Variants in CNTLN observed in about 807,000 individuals in gnomAD.
The protein encoded by CNTLN is centlein, centrosomal protein.
In CNTLN, 212 loss-of-function variants were observed where a neutral mutation model predicts 180.0. That is an observed-to-expected ratio of 1.18 (90% confidence interval 1.05 to 1.32). CNTLN has a LOEUF of 1.32. Among genes scored for constraint, CNTLN ranks in the 40% most tolerant of loss-of-function variants. CNTLN has a pLI of 0.00. For synonymous variants in CNTLN, 722 were observed against 563.1 expected (o/e 1.28, Z -3.99); for missense variants, 2,095 against 1,610.9 (o/e 1.30, Z -5.14).
At chr9:17,444,658 C>T (rs1830300104) in intron 18 of CNTLN, among the ~76,000 whole-genome samples, 2 of 152,016 alleles carry the variant, frequency 1.3e-5, no homozygotes, top group African/African-American at 2.4e-5. Context: ...CTAGACTTAC[C>T]CTCTTACTAA....
chr9:17,274,875 G>T (rs1828210472), intron 6 of CNTLN, among the ~76,000 whole-genome samples: 2 of 152,004 alleles, frequency 1.3e-5, no homozygotes, highest in South Asian at 4.1e-4. Context: ...ATATGCCATT[G>T]TGAATTTAGT....
In CNTLN at chr9:17,266,555, T is replaced by C. The variant is rs538639306; in HGVS notation, c.850-7178T>C. On this transcript the variant is annotated intron_variant, in intron 5 of 25. Transcript: ENST00000380647. ...GAGTTCTGTAGATGTCTATTAAGTC[T>C]GCTTGGTGCAGAGCTGAGTTCAATT... Among the ~76,000 whole-genome samples, 300 of 152,250 alleles carry C rather than the reference T, an allele frequency of 2.0e-3. 2 individuals are homozygous for C. Among genetic ancestry groups the C allele is most frequent in the Non-Finnish European group, 3.5e-3 (239 of 68,016 alleles).
chr9:17,328,103 T>A (rs1363336069), intron 8 of CNTLN, among the ~76,000 whole-genome samples: 1 of 152,196 alleles, frequency 6.6e-6, no homozygotes, highest in Non-Finnish European at 1.5e-5. Context: ...ACCTTATGCA[T>A]GTTTGGTGAA....
intron 2 of CNTLN, among the ~76,000 whole-genome samples, chr9:17,157,557 G>A (rs915569669): frequency 6.6e-6 from 1 of 152,302 alleles, no homozygotes; most frequent in African/African-American, 2.4e-5. Context: ...AGTTTTGGAT[G>A]TGTTTGTGAC....
chr9:17,442,266 T>C (rs1038225006), intron 18 of CNTLN, among the ~76,000 whole-genome samples: 2 of 152,174 alleles, frequency 1.3e-5, no homozygotes, highest in African/African-American at 4.8e-5. Context: ...GACTACATGT[T>C]AGGCCAAAAA....
intron 25 of CNTLN, among the ~76,000 whole-genome samples, chr9:17,489,972 T>G (rs1039647079): frequency 6.6e-6 from 1 of 152,160 alleles, no homozygotes; most frequent in Non-Finnish European, 1.5e-5. Context: ...CTTTTCACAT[T>G]GATATATTTT....
intron 3 of CNTLN, among the ~76,000 whole-genome samples, chr9:17,229,814 T>C (rs1458968674): frequency 6.6e-6 from 1 of 151,846 alleles, no homozygotes; most frequent in African/African-American, 2.4e-5. Context: ...GGTAAATAGG[T>C]TTTATGTTTA....
At chr9:17,160,396 A>G (rs1461884832) in intron 2 of CNTLN, among the ~76,000 whole-genome samples, 1 of 152,108 alleles carries the variant, frequency 6.6e-6, no homozygotes, top group East Asian at 1.9e-4. Flanking sequence ...TTATTTTACT[A>G]CCTAACTTTC....
In CNTLN at chr9:17,440,161, G is replaced by C. The variant is rs1277835143; in HGVS notation, c.3115-17363G>C. The stretch of plus-strand genomic sequence containing the variant: ...AGAGAAATTGTAACCTTCATACAAT[G>C]CTATGGGAATGTAAAATGGCACAGG... On this transcript the variant is annotated intron_variant, in intron 18 of 25. Transcript: ENST00000380647. Among the ~76,000 whole-genome samples the C allele has an allele frequency of 2.6e-5, 4 of 152,254 alleles. 1 individual carries two copies. Among genetic ancestry groups the C allele is most frequent in the African/African-American group, 9.6e-5 (4 of 41,564 alleles).
At chr9:17,163,664 T>C (rs1421046928) in intron 2 of CNTLN, among the ~76,000 whole-genome samples, 1 of 152,210 alleles carries the variant, frequency 6.6e-6, no homozygotes, top group East Asian at 1.9e-4. Flanking sequence ...AAATGCATGA[T>C]ATTATAATAC....
intron 2 of CNTLN, among the ~76,000 whole-genome samples, chr9:17,194,927 A>C (rs1376654787): frequency 6.6e-6 from 1 of 152,186 alleles, no homozygotes; most frequent in Non-Finnish European, 1.5e-5. Flanking sequence ...AAGATGCAAA[A>C]GCGGAAACCC....
intron 2 of CNTLN, among the ~76,000 whole-genome samples, chr9:17,181,149 T>G (rs561177693): frequency 6.6e-6 from 1 of 152,244 alleles, no homozygotes; most frequent in East Asian, 1.9e-4. Context: ...ACCTGCCTTC[T>G]TTCTCTTCTA....
intron 6 of CNTLN, 87 bp from the exon 7 acceptor site, chr9:17,298,103 C>T (rs1223537898): frequency 7.8e-6 from 9 of 1,155,078 alleles, no homozygotes; most frequent in African/African-American, 1.6e-5. Context: ...AAACAGGATG[C>T]CAATCTGTAA....
downstream of CNTLN, among the ~76,000 whole-genome samples, chr9:17,506,916 T>C (rs1005480066): frequency 2.0e-5 from 3 of 152,310 alleles, no homozygotes; most frequent in African/African-American, 7.2e-5. Flanking sequence ...GTACATTGGG[T>C]AATAATTAAA....
intron 3 of CNTLN, among the ~76,000 whole-genome samples, chr9:17,234,317 C>T (rs969783011): frequency 2.0e-5 from 3 of 151,904 alleles, no homozygotes; most frequent in Admixed American, 6.6e-5. Flanking sequence ...GTGGCACATA[C>T]CTATGGTCCT....
intron 25 of CNTLN, among the ~76,000 whole-genome samples, chr9:17,491,790 G>A (rs1833174046): frequency 1.3e-5 from 2 of 152,046 alleles, no homozygotes; most frequent in South Asian, 4.1e-4. Flanking sequence ...AATTTAAAAT[G>A]GCTAACTTTC....
intron 24 of CNTLN, 130 bp from the exon 25 acceptor site, chr9:17,486,859 T>G: frequency 1.7e-6 from 1 of 578,988 alleles, no homozygotes; most frequent in Non-Finnish European, 3.0e-6. Flanking sequence ...TATTTCTACT[T>G]TGAGATGACA....
intron 6 of CNTLN, among the ~76,000 whole-genome samples, chr9:17,285,271 T>A (rs1354119435): frequency 6.6e-6 from 1 of 150,590 alleles, no homozygotes; most frequent in Admixed American, 6.6e-5. Context: ...TTTTTGTTCT[T>A]GTGATAGTTT....
rs765601075 is a variant in CNTLN at position 17,236,577 on chromosome 9, G to A, written c.838G>A (p.Ala280Thr). The A allele has an allele frequency of 5.4e-5, 86 of 1,604,550 alleles. 1 individual carries two copies. The Middle Eastern group carries it at 1.5e-3, about 28-fold the overall frequency. Reference sequence around the variant, plus strand: ...GAGAAAAGAAAAATATAGCACTGATGCAAAAATAAAGGTATACAATAGGAA... The same window carrying A: ...GAGAAAAGAAAAATATAGCACTGATACAAAAATAAAGGTATACAATAGGAA... ...HLRKEKYSTD[A>T]KIKTFEDNLI... The change falls in exon 5 of 26, where the codon GCA (alanine) becomes ACA (threonine). Residue 280 changes from alanine to threonine, a missense_variant. By Grantham distance (58) the Ala-to-Thr change is moderately conservative. Transcript: ENST00000380647.
Sources: gnomAD v4.1 joint callset for allele counts (sites outside exome capture counted in the v4.1 genomes callset) on GRCh38, gnomAD v4.1.1 for gene constraint, MANE v1.5 for transcripts, NCBI Gene and HGNC (gene_info 2026-07-23, HGNC 2026-07-21) for gene names.